Variants in VWA3A observed in about 807,000 individuals in gnomAD.
The protein encoded by VWA3A is von Willebrand factor A domain-containing protein 3A.
In VWA3A, 134 loss-of-function variants were observed where a neutral mutation model predicts 160.4. The ratio of observed to expected loss-of-function variants is 0.84; its 90% confidence interval spans 0.73 to 0.96. VWA3A has a LOEUF of 0.96. VWA3A is among the 40% of genes least tolerant of loss of function. The pLI is 0.00. For missense variants in VWA3A, 1,310 were observed against 1,447.9 expected (o/e 0.90, Z 1.55); for synonymous variants, 476 against 543.4 (o/e 0.88, Z 1.72).
chr16:22,136,819 T>G (rs1488758622), intron 21 of VWA3A, among the ~76,000 whole-genome samples: 1 of 151,352 alleles, frequency 6.6e-6, no homozygotes, highest in African/African-American at 2.4e-5. Context: ...GATCACAAGG[T>G]CAGGAGATCG....
At chr16:22,100,600 C>A in intron 5 of VWA3A, 107 bp downstream of exon 5, 3 of 1,089,980 alleles carry the variant, frequency 2.8e-6, no homozygotes, top group Middle Eastern at 2.0e-4. Flanking sequence ...TTTGGGAGGC[C>A]GAGGCAGGTG....
At position 22,142,752 on chromosome 16, in the gene VWA3A, G is replaced by A; in HGVS notation, c.2579G>A (p.Cys860Tyr). The change falls in exon 25 of 34, where the codon TGC (cysteine) becomes TAC (tyrosine). Residue 860 changes from cysteine to tyrosine, a missense_variant. Physicochemically the swap from Cys to Tyr is radical, Grantham distance 194. Coordinates refer to ENST00000389398, the MANE Select transcript of VWA3A (RefSeq NM_173615.5). Reference protein sequence around the residue: ...SIDLPRKDTVCSSQEWVAKYG... With the variant: ...SIDLPRKDTVYSSQEWVAKYG... ...GACTTACCCAGAAAGGATACAGTTT[G>A]CTCAAGCCAAGAGGTATTAAGTCAC... 1 of 1,569,114 alleles carries A rather than the reference G, an allele frequency of 6.4e-7. No individual in the cohort carries two copies. Among genetic ancestry groups the A allele is most frequent in the Admixed American group, 1.9e-5 (1 of 53,336 alleles).
chr16:22,113,052 C>T (rs1018775312), intron 8 of VWA3A, among the ~76,000 whole-genome samples: 3 of 152,260 alleles, frequency 2.0e-5, no homozygotes, highest in African/African-American at 7.2e-5. Context: ...GGAGCAGTGA[C>T]ACCTGGGTTG....
chr16:22,155,757 A>G, intron 32 of VWA3A, 93 bp downstream of exon 32: 1 of 1,602,944 alleles, frequency 6.2e-7, no homozygotes, highest in Non-Finnish European at 8.5e-7. Context: ...CCATGATGGT[A>G]CCCTTGCTCC....
At chr16:22,106,425 T>C (rs1461827435) in intron 6 of VWA3A, among the ~76,000 whole-genome samples, 1 of 151,988 alleles carries the variant, frequency 6.6e-6, no homozygotes, top group African/African-American at 2.4e-5. Context: ...TGGTTGAAGA[T>C]ACTCACTCTG....
chr16:22,116,370 G>T, intron 9 of VWA3A: 1 of 413,964 alleles, frequency 2.4e-6, no homozygotes, highest in Non-Finnish European at 4.7e-6. Flanking sequence ...AAAGAAGGAA[G>T]AGAGAAAAAA....
At chr16:22,154,156 ATTC>A (rs1167807302) in intron 31 of VWA3A, among the ~76,000 whole-genome samples, 1 of 151,990 alleles carries the variant, frequency 6.6e-6, no homozygotes, top group Non-Finnish European at 1.5e-5. Flanking sequence ...AGTAATGAAT[ATTC>A]ACCCAAGCGT....
At chr16:22,111,814 G>T (rs1487223702) in intron 8 of VWA3A, among the ~76,000 whole-genome samples, 1 of 152,054 alleles carries the variant, frequency 6.6e-6, no homozygotes, top group Non-Finnish European at 1.5e-5. Context: ...ATGGGATCTC[G>T]CTATGTTGTC....
In VWA3A at chr16:22,100,071, G is replaced by A. The variant is rs1425409606; in HGVS notation, c.226-123G>A. On this transcript the variant is annotated intron_variant, in intron 3 of 33. Coordinates refer to ENST00000389398, the MANE Select transcript of VWA3A (RefSeq NM_173615.5). ...GCCTTGGTGACAAGAGCGAAACTCC[G>A]TCTCAAAAAAAAAAAAAGATAGGGT... 106 of 1,218,438 alleles carry A rather than the reference G, an allele frequency of 8.7e-5. 2 individuals carry two copies. The highest frequency in any genetic ancestry group is 8.0e-4 in the East Asian group (31 of 38,696). The allele number at this position is 1,218,438 out of a possible 1,614,324, so 75.5% of individuals were successfully genotyped here. A position where few individuals can be genotyped will look rare whatever the true frequency, so the allele number is the denominator to read the frequency against.
In VWA3A at chr16:22,156,287, G is replaced by A. The variant is rs1450162189; in HGVS notation, c.*270G>A. The stretch of plus-strand genomic sequence containing the variant: ...CTGGGAAGCCCTAAACCAACCCCCT[G>A]CCTAAATGGTGGTGCTTCTTGCAAA... On this transcript the variant is annotated 3_prime_UTR_variant, in exon 34 of 34. Coordinates refer to ENST00000389398, the MANE Select transcript of VWA3A (RefSeq NM_173615.5). 2 of 203,914 alleles carry A rather than the reference G, an allele frequency of 9.8e-6. No homozygotes were observed. The highest frequency in any genetic ancestry group is 2.0e-5 in the Non-Finnish European group (2 of 101,600). 12.6% of individuals were successfully genotyped at this position (203,914 alleles called of 1,614,324 possible).
Position 22,144,338 on chromosome 16 carries a change from C to T in VWA3A, c.2684C>T (p.Ser895Leu). The T allele has an allele frequency of 6.2e-7, 1 of 1,613,904 alleles. No homozygotes were observed. Among genetic ancestry groups the T allele is most frequent in the Non-Finnish European group, 8.5e-7 (1 of 1,179,888 alleles). The stretch of plus-strand genomic sequence containing the variant: ...ACTCATCAAAAGTCAGGACAGAGGT[C>T]AGCATCCGCCAAACACTGCAGCATC... ...NCTHQKSGQR[S>L]ASAKHCSIFP... The change falls in exon 26 of 34, where the codon TCA (serine) becomes TTA (leucine). Residue 895 changes from serine to leucine, a missense_variant. Coordinates refer to ENST00000389398, the MANE Select transcript of VWA3A (RefSeq NM_173615.5).
intron 23 of VWA3A, chr16:22,141,212 A>T (rs1348399085): frequency 2.1e-6 from 1 of 480,992 alleles, no homozygotes; most frequent in Non-Finnish European, 4.1e-6. Flanking sequence ...GGTATGGCAG[A>T]GTGGCTCAGA....
In VWA3A at chr16:22,149,858, C is replaced by T. The variant is rs373037527; in HGVS notation, c.3056C>T (p.Ala1019Val). 9.2e-5 allele frequency: 149 copies of T among 1,612,578 alleles called. No homozygotes were observed. The Middle Eastern group carries it at 2.0e-3, about 21-fold the overall frequency. ...QDTLVETTDAACHEAMQWVTH... is the reference protein window; with the variant it reads ...QDTLVETTDAVCHEAMQWVTH... ...ACGCTGGTGGAGACCACAGATGCAGCGTGTCATGAGGCTATGCAATGGGTG... is the reference window on the plus strand; with the variant it reads ...ACGCTGGTGGAGACCACAGATGCAGTGTGTCATGAGGCTATGCAATGGGTG... Residue 1019 changes from alanine (A) to valine (V), a missense_variant, in exon 29 of 34, where the codon GCG (alanine) becomes GTG (valine). Ala to Val is a moderately conservative substitution (Grantham distance 64). Transcript: ENST00000389398.
intron 1 of VWA3A, among the ~76,000 whole-genome samples, chr16:22,093,166 T>C (rs1490306922): frequency 6.6e-6 from 1 of 152,132 alleles, no homozygotes; most frequent in Non-Finnish European, 1.5e-5. Context: ...CTCTATTTTA[T>C]GCAAAAATGT....
At chr16:22,097,508 C>G in intron 2 of VWA3A, 64 bp from the exon 3 acceptor site, 1 of 1,536,514 alleles carries the variant, frequency 6.5e-7, no homozygotes, top group Non-Finnish European at 8.8e-7. Context: ...AGAGAGGAGG[C>G]ACTGGGGGTA....
intron 17 of VWA3A, among the ~76,000 whole-genome samples, chr16:22,128,598 A>AT (rs1440054223): frequency 6.6e-6 from 1 of 152,226 alleles, no homozygotes; most frequent in African/African-American, 2.4e-5. Flanking sequence ...CCAAAGGAAT[A>AT]TAAGTCATTC....
At chr16:22,139,613 T>C (rs1297503742) in intron 22 of VWA3A, among the ~76,000 whole-genome samples, 2 of 152,022 alleles carry the variant, frequency 1.3e-5, no homozygotes, top group African/African-American at 4.8e-5. Context: ...GAGAATTGCT[T>C]GAACCTGGGA....
intron 3 of VWA3A, among the ~76,000 whole-genome samples, chr16:22,098,901 C>T (rs1339712652): frequency 1.5e-5 from 2 of 133,556 alleles, no homozygotes; most frequent in Non-Finnish European, 3.1e-5. Context: ...ATGGTGAAAC[C>T]CTGTTTCCAC....
At chr16:22,100,087 AAGAT>A in intron 3 of VWA3A, 103 bp from the exon 4 acceptor site, 2 of 1,360,622 alleles carry the variant, frequency 1.5e-6, no homozygotes, top group African/African-American at 1.5e-5. Flanking sequence ...AAAAAAAAAA[AAGAT>A]AGGGTCAGTC....
Sources: gnomAD v4.1 joint callset for allele counts (sites outside exome capture counted in the v4.1 genomes callset) on GRCh38, gnomAD v4.1.1 for gene constraint, MANE v1.5 for transcripts, NCBI Gene and HGNC (gene_info 2026-07-23, HGNC 2026-07-21) for gene names.